The following ZNF536 variants were observed in gnomAD, a reference collection of about 807,000 sequenced individuals.
The protein encoded by ZNF536 is zinc finger protein 536.
Under a neutral mutation model 84.5 loss-of-function variants are expected in ZNF536, and 13 were observed. The ratio of observed to expected loss-of-function variants is 0.15; its 90% CI spans 0.10 to 0.24. The LOEUF (loss-of-function observed/expected upper bound fraction) is 0.24. Among genes scored for constraint, ZNF536 ranks in the 10% least tolerant of loss-of-function variants. ZNF536 has a pLI of 1.00. For synonymous variants in ZNF536, 811 were observed against 742.5 expected (o/e 1.09, Z -1.50); for missense variants, 1,536 against 1,747.5 (o/e 0.88, Z 2.16).
intron 1 of ZNF536, among the ~76,000 whole-genome samples, chr19:30,574,694 G>A (rs774477772): frequency 3.3e-5 from 5 of 152,210 alleles, no homozygotes; most frequent in Non-Finnish European, 5.9e-5. Flanking sequence ...AAGAGCTCAT[G>A]CCAGGCCAGG....
chr19:30,265,359 T>A (rs2025456782), intron 1 of ZNF536, among the ~76,000 whole-genome samples: 1 of 152,170 alleles, frequency 6.6e-6, no homozygotes, highest in Non-Finnish European at 1.5e-5. Flanking sequence ...TCTTCCCCCA[T>A]GTGCTCTTCC....
intron 1 of ZNF536, among the ~76,000 whole-genome samples, chr19:30,593,693 C>A (rs1272480679): frequency 6.6e-6 from 1 of 152,194 alleles, no homozygotes; most frequent in Non-Finnish European, 1.5e-5. Flanking sequence ...CCCTCACCCA[C>A]CCCCTTGGAA....
chr19:30,707,673 G>A (rs2052296811), intron 1 of ZNF536, among the ~76,000 whole-genome samples: 1 of 152,062 alleles, frequency 6.6e-6, no homozygotes, highest in Non-Finnish European at 1.5e-5. Flanking sequence ...CTTGTCTTAG[G>A]GACAACAGTA....
chr19:30,514,664 C>A (rs1187395653), intron 2 of ZNF536, among the ~76,000 whole-genome samples: 2 of 151,960 alleles, frequency 1.3e-5, no homozygotes, highest in African/African-American at 2.4e-5. Context: ...GAGGGCACCA[C>A]CCCTACCCCA....
chr19:30,675,086 A>C (rs1013536141), intron 1 of ZNF536, among the ~76,000 whole-genome samples: 2 of 152,080 alleles, frequency 1.3e-5, no homozygotes, highest in Non-Finnish European at 2.9e-5. Flanking sequence ...CTCTGGCCTC[A>C]TGTTCTCTGG....
Position 30,593,986 on chromosome 19 carries a change from T to A in ZNF536, c.169+44472T>A, listed in dbSNP as rs1037130022. On this transcript the variant is annotated intron_variant, in intron 1 of 1. Coordinates refer to the ZNF536 transcript ENST00000592773. ...CCTTGGAGACAAGCCAGCCTCAGAG[T>A]CTGTCCCATGTCCCCTTTTCTTAGT... Among the ~76,000 whole-genome samples, 11 of 152,224 alleles carry A rather than the reference T, an allele frequency of 7.2e-5. No homozygotes were observed. In the South Asian group the frequency reaches 2.3e-3, roughly 32 times the overall value.
At chr19:30,562,000 G>A (rs1421028169), downstream of ZNF536, among the ~76,000 whole-genome samples, 1 of 152,198 alleles carries the variant, frequency 6.6e-6, no homozygotes, top group East Asian at 1.9e-4. Context: ...AGAGGGAAGT[G>A]CATGGCCTCT....
rs150846592 is a variant in ZNF536, at chr19:30,418,226, A to G, written c.-2-25335A>G. On this transcript the variant is annotated intron_variant, in intron 1 of 4. Transcript: ENST00000355537. ...CTTGATTTTTAAATCTTGCATCATC[A>G]TTTTTGACATTGATGGAGCATTCCT... Among the ~76,000 whole-genome samples, 342 of 151,852 alleles carry G rather than the reference A, an allele frequency of 2.3e-3. 2 individuals are homozygous for G. Among genetic ancestry groups the G allele is most frequent in the African/African-American group, 8.0e-3 (332 of 41,392 alleles).
rs150624486 is a variant in ZNF536 at position 30,278,084 on chromosome 19, G to A, written c.-189-5988G>A. Among the ~76,000 whole-genome samples, 23 of 152,312 alleles carry A rather than the reference G, an allele frequency of 1.5e-4. No homozygotes were observed. The East Asian group carries it at 3.5e-3, about 23-fold the overall frequency. On this transcript the variant is annotated intron_variant, in intron 1 of 5. Transcript: ENST00000585628. ...GGTTTTATTATTATTCAGATATGGC[G>A]TGGCCAACAGGGCAGGAGACAACTG...
At chr19:30,491,444 A>G (rs902145057) in intron 2 of ZNF536, among the ~76,000 whole-genome samples, 3 of 152,112 alleles carry the variant, frequency 2.0e-5, no homozygotes, top group Non-Finnish European at 4.4e-5. Context: ...TCCAGTTATC[A>G]GGTCGATACA....
chr19:30,479,141 A>G (rs1416621212), intron 2 of ZNF536, among the ~76,000 whole-genome samples: 1 of 152,212 alleles, frequency 6.6e-6, no homozygotes, highest in Non-Finnish European at 1.5e-5. Flanking sequence ...CTCAGTATCA[A>G]GACACCACAG....
intron 4 of ZNF536, among the ~76,000 whole-genome samples, chr19:30,551,929 C>T: frequency 6.6e-6 from 1 of 152,174 alleles, no homozygotes; most frequent in Non-Finnish European, 1.5e-5. Context: ...AATTGCAGTC[C>T]TCTTCTTATT....
chr19:30,679,889 A>G lies in ZNF536; in HGVS notation c.170-30868A>G, dbSNP rs1286620908. ...TGGGCATCCAGCCCACCTGGCCCAC[A>G]TCGGGAACTGGAGTTACTTGCCAGA... On this transcript the variant is annotated intron_variant, in intron 1 of 1. Coordinates refer to the ZNF536 transcript ENST00000592773. Among the ~76,000 whole-genome samples the G allele has an allele frequency of 2.6e-5, 4 of 152,214 alleles. No individual in the cohort carries two copies. In the East Asian group the frequency reaches 7.7e-4, roughly 29 times the overall value.
intron 1 of ZNF536, among the ~76,000 whole-genome samples, chr19:30,415,014 C>T (rs1600638176): frequency 6.6e-6 from 1 of 152,306 alleles, no homozygotes; most frequent in South Asian, 2.1e-4. Flanking sequence ...TCTTCTTCCT[C>T]TTCTTTTTCT....
intron 2 of ZNF536, among the ~76,000 whole-genome samples, chr19:30,345,399 A>G (rs1350955331): frequency 6.6e-6 from 1 of 152,202 alleles, no homozygotes; most frequent in Admixed American, 6.5e-5. Flanking sequence ...GCTTTTATTT[A>G]TGGCACTGGG....
intron 1 of ZNF536, among the ~76,000 whole-genome samples, chr19:30,388,439 G>T (rs568517974): frequency 6.6e-6 from 1 of 152,320 alleles, no homozygotes; most frequent in South Asian, 2.1e-4. Flanking sequence ...TGACCACTTT[G>T]TAGGGTTTAT....
chr19:30,564,923 C>A (rs1236292694), intron 1 of ZNF536, among the ~76,000 whole-genome samples: 1 of 152,112 alleles, frequency 6.6e-6, no homozygotes, highest in African/African-American at 2.4e-5. Flanking sequence ...TGGGCTGGCA[C>A]CTGGTAGGCA....
intron 3 of ZNF536, among the ~76,000 whole-genome samples, chr19:30,547,709 A>AAAAGATAGCT (rs2045608565): frequency 6.6e-6 from 1 of 152,226 alleles, no homozygotes; most frequent in South Asian, 2.1e-4. Context: ...TAGATAAAGA[A>AAAAGATAGCT]AAAGATAGCT....
At chr19:30,292,320 GT>G (rs61202726) in intron 2 of ZNF536, among the ~76,000 whole-genome samples, 34,617 of 144,302 alleles carry the variant, frequency 0.24, 4,898 homozygotes, top group East Asian at 0.54. Context: ...CTAGGGAACT[GT>G]TTTTTTTTTT....
Sources: gnomAD v4.1 joint callset for allele counts (sites outside exome capture counted in the v4.1 genomes callset) on GRCh38, gnomAD v4.1.1 for gene constraint, MANE v1.5 for transcripts, NCBI Gene and HGNC (gene_info 2026-07-23, HGNC 2026-07-21) for gene names.